Variants in ACSL4 observed in about 807,000 individuals in gnomAD.
ACSL4 encodes the protein acyl-CoA synthetase long chain family member 4, also known as long-chain-fatty-acid--CoA ligase 4.
ACSL4 carries 9 observed loss-of-function variants against 49.1 expected under a neutral mutation model. The observed-to-expected ratio is 0.18, with a 90% CI of 0.11 to 0.32. The LOEUF is 0.32. ACSL4 is among the 10% of genes least tolerant of loss of function. The pLI is 1.00. For synonymous variants in ACSL4, 191 were observed against 170.3 expected (o/e 1.12, Z -0.95); for missense variants, 333 against 493.7 (o/e 0.67, Z 3.08).
At chrX:109,727,973 A>G (rs905390348) in intron 1 of ACSL4, among the ~76,000 whole-genome samples, 12 of 112,480 alleles carry the variant, frequency 1.1e-4, no homozygotes, top group African/African-American at 3.9e-4. Flanking sequence ...ATCTTTTTCA[A>G]ATAACAATCT....
chrX:109,682,832 C>G lies in ACSL4; in HGVS notation c.293G>C (p.Gly98Ala). 2.5e-6 allele frequency: 3 copies of G among 1,211,415 alleles called. No homozygotes were observed. The highest frequency in any genetic ancestry group is 3.5e-5 in the South Asian group (2 of 57,000). ...TAGTCCCAGTGCAGTGAGTCCACTA[C>G]CAAAGTTATTCACTCTGCGATTCAC... ...LEVNRRVNNF[G>A]SGLTALGLKP... The change falls in exon 4 of 16, where the codon GGT becomes GCT. Residue 98 changes from glycine (G) to alanine (A), a missense_variant. Coordinates refer to ENST00000672401, the MANE Select transcript of ACSL4 (RefSeq NM_001318510.2).
chrX:109,704,026 A>G (rs969380008), intron 1 of ACSL4, among the ~76,000 whole-genome samples: 1 of 111,430 alleles, frequency 9.0e-6, no homozygotes, highest in Non-Finnish European at 1.9e-5. Context: ...AAGTAGTAAA[A>G]TATATCTCCT....
chrX:109,697,214 G>A (rs1417576291), intron 1 of ACSL4, among the ~76,000 whole-genome samples: 2 of 112,336 alleles, frequency 1.8e-5, no homozygotes, highest in African/African-American at 6.5e-5. Flanking sequence ...TCAGTAATTT[G>A]ATATTGCTTT....
At chrX:109,690,124 T>C (rs1394063152) in intron 2 of ACSL4, among the ~76,000 whole-genome samples, 2 of 112,621 alleles carry the variant, frequency 1.8e-5, no homozygotes, top group African/African-American at 6.5e-5. Flanking sequence ...ATAGAAAATA[T>C]GAAACTGGAA....
intron 15 of ACSL4, among the ~76,000 whole-genome samples, chrX:109,651,351 A>C (rs1921123018): frequency 8.9e-6 from 1 of 112,277 alleles, no homozygotes; most frequent in Non-Finnish European, 1.9e-5. Context: ...GCAAGCACAA[A>C]GAACTCACAT....
At chrX:109,731,755 G>A (rs1009988083) in intron 1 of ACSL4, among the ~76,000 whole-genome samples, 1 of 111,521 alleles carries the variant, frequency 9.0e-6, no homozygotes, top group African/African-American at 3.3e-5. Context: ...ATGGCAGAGA[G>A]TGTTAATTCT....
intron 9 of ACSL4, among the ~76,000 whole-genome samples, chrX:109,671,383 GC>G (rs1569424418): frequency 9.0e-6 from 1 of 111,536 alleles, no homozygotes; most frequent in Admixed American, 9.3e-5. Flanking sequence ...GAGCCCCTCC[GC>G]CCGGCCAGCC....
intron 11 of ACSL4, 61 bp downstream of exon 11, chrX:109,668,040 T>C (rs1488920520): frequency 1.7e-5 from 15 of 880,366 alleles, no homozygotes; most frequent in Admixed American, 2.3e-5. Context: ...CCAAAGGTAA[T>C]GCGAATGTAT....
At chrX:109,680,896 C>T in intron 6 of ACSL4, 102 bp downstream of exon 6, 1 of 902,725 alleles carries the variant, frequency 1.1e-6, no homozygotes. Context: ...TTTTTTCAGT[C>T]AAAGAACTTT....
chrX:109,669,717 G>A (rs1923015552), intron 9 of ACSL4, among the ~76,000 whole-genome samples: 1 of 112,057 alleles, frequency 8.9e-6, no homozygotes, highest in Admixed American at 9.4e-5. Flanking sequence ...TTTAAGAAAT[G>A]TTAGCTCGAG....
rs1016550520 is a variant in ACSL4, at chrX:109,645,089, T to C, written c.1856-903A>G. ...TCAAACTGCAAGGTGGCAGGGAGGC[T>C]GGGGGAGGGGCGCCCGCCATTGCCC... is the stretch of plus-strand genomic sequence containing the variant. On this transcript the variant is annotated intron_variant, in intron 15 of 15. Coordinates refer to ENST00000672401, the MANE Select transcript of ACSL4 (RefSeq NM_001318510.2). Among the ~76,000 whole-genome samples the C allele has an allele frequency of 1.1e-4, 12 of 111,758 alleles. 2 individuals carry two copies. In the South Asian group the frequency reaches 1.5e-3, roughly 14 times the overall value.
rs1924120905 is a variant in ACSL4, at chrX:109,681,028, C to T, written c.625G>A (p.Val209Ile). 1.7e-6 allele frequency: 2 copies of T among 1,209,202 alleles called. No individual in the cohort carries two copies. Among genetic ancestry groups the T allele is most frequent in the African/African-American group, 1.7e-5 (1 of 57,187 alleles). Residue 209 changes from valine (V) to isoleucine (I), a missense_variant, in exon 6 of 16, where the codon GTA becomes ATA. Around this residue, in one of 3 missense-constraint regions of ACSL4, gnomAD observed 157 missense variants for 201.1 expected, o/e 0.78. Coordinates refer to ENST00000672401, the MANE Select transcript of ACSL4 (RefSeq NM_001318510.2). The part of the protein sequence containing the change: ...EGFEIHSMQS[V>I]EELGSNPENL... ...TCTGGGTTAGATCCCAACTCTTCTA[C>T]TGATTGCATGCTGTGAATCTCAAAT...
chrX:109,645,501 C>A (rs1934639732), intron 15 of ACSL4, among the ~76,000 whole-genome samples: 1 of 111,783 alleles, frequency 8.9e-6, no homozygotes, highest in Admixed American at 9.4e-5. Flanking sequence ...GAAAGGACAT[C>A]CACACCAAAA....
Position 109,645,829 on chromosome X carries a change from A to G in ACSL4, c.1856-1643T>C, listed in dbSNP as rs759926728. On this transcript the variant is annotated intron_variant, in intron 15 of 15. Transcript: ENST00000672401. ...AACCAATACAGAGAAGTGCTTAAAG[A>G]AGCTGACGGAGCTGAAAGCCAAGGC... 7.3e-3 allele frequency among the ~76,000 whole-genome samples: 825 copies of G among 112,412 alleles called. 3 individuals are homozygous for G. The highest frequency in any genetic ancestry group is 0.018 in the Middle Eastern group (4 of 218).
chrX:109,669,319 T>A (rs767184784), intron 9 of ACSL4, 146 bp from the exon 10 acceptor site: 13 of 435,691 alleles, frequency 3.0e-5, no homozygotes, highest in Non-Finnish European at 5.1e-5. Flanking sequence ...TTTCACTGAC[T>A]ACTTGTTCAC....
intron 13 of ACSL4, 82 bp from the exon 14 acceptor site, chrX:109,661,727 A>G: frequency 1.6e-6 from 1 of 631,069 alleles, no homozygotes; most frequent in South Asian, 2.4e-5. Flanking sequence ...TCATTGCCTT[A>G]ATCGTTATTT....
At chrX:109,687,741 C>T (rs773841204) in intron 2 of ACSL4, among the ~76,000 whole-genome samples, 4 of 112,096 alleles carry the variant, frequency 3.6e-5, no homozygotes, top group South Asian at 3.7e-4. Context: ...AAAGAAAGCT[C>T]TATATTAGTG....
chrX:109,653,946 A>G (rs949810180), intron 15 of ACSL4, among the ~76,000 whole-genome samples: 3 of 109,693 alleles, frequency 2.7e-5, no homozygotes, highest in Non-Finnish European at 3.8e-5. Flanking sequence ...CCTAAAACTT[A>G]AAGTATAATA....
intron 1 of ACSL4, among the ~76,000 whole-genome samples, chrX:109,704,920 T>C (rs1246639628): frequency 9.2e-6 from 1 of 108,387 alleles, no homozygotes; most frequent in African/African-American, 3.3e-5. Context: ...TTATTTTAAG[T>C]GTTTTCATCT....
Sources: gnomAD v4.1 joint callset for allele counts (sites outside exome capture counted in the v4.1 genomes callset) on GRCh38, gnomAD v4.1.1 for gene constraint, gnomAD v4.1.1 regional missense constraint, MANE v1.5 for transcripts, NCBI Gene and HGNC (gene_info 2026-07-23, HGNC 2026-07-21) for gene names.